Variants in DHRSX observed in about 807,000 individuals in gnomAD.
DHRSX encodes the protein dehydrogenase/reductase X-linked, also known as polyprenol dehydrogenase.
DHRSX carries 31 observed loss-of-function variants against 34.0 expected under a neutral mutation model. The ratio of observed to expected loss-of-function variants is 0.91; its 90% CI spans 0.69 to 1.23. The LOEUF is 1.23. Among genes scored for constraint, DHRSX ranks in the 50% most tolerant of loss-of-function variants. DHRSX has a pLI of 0.00. For synonymous variants in DHRSX, 201 were observed against 183.8 expected (o/e 1.09, Z -0.76); for missense variants, 414 against 428.1 (o/e 0.97, Z 0.29).
chrX:2,239,549 G>T (rs1238662072), intron 6 of DHRSX, among the ~76,000 whole-genome samples: 1 of 151,864 alleles, frequency 6.6e-6, no homozygotes, highest in East Asian at 1.9e-4. Flanking sequence ...GAGGTCAGGA[G>T]ATCAAGACCA....
intron 3 of DHRSX, among the ~76,000 whole-genome samples, chrX:2,310,710 T>C (rs1437447434): frequency 6.7e-6 from 1 of 150,160 alleles, no homozygotes; most frequent in Non-Finnish European, 1.5e-5. Flanking sequence ...GAGAGAAAGA[T>C]TGTGACACAG....
intron 1 of DHRSX, among the ~76,000 whole-genome samples, chrX:2,463,333 G>A (rs5939408): frequency 0.81 from 122,301 of 151,360 alleles, 50,386 homozygotes; most frequent in East Asian, 0.99. Context: ...CAACAACAAC[G>A]GTTGGATCAA....
intron 4 of DHRSX, among the ~76,000 whole-genome samples, chrX:2,283,408 A>T (rs2041756530): frequency 6.6e-6 from 1 of 152,140 alleles, no homozygotes; most frequent in Non-Finnish European, 1.5e-5. Flanking sequence ...GAAGGCACGC[A>T]GAATAAATGG....
In DHRSX at chrX:2,378,915, G is replaced by A. The variant is rs191280794; in HGVS notation, c.286+29830C>T. On this transcript the variant is annotated intron_variant, in intron 3 of 6. Coordinates refer to ENST00000334651, the MANE Select transcript of DHRSX (RefSeq NM_145177.3). ...ACGAACTCCCAACCTCAGGTGATTC[G>A]CCTGCCTCAACCTCCCAAAGTGTTA... Among the ~76,000 whole-genome samples, 951 of 152,128 alleles carry A rather than the reference G, an allele frequency of 6.3e-3. 10 individuals carry two copies. The highest frequency in any genetic ancestry group is 0.022 in the African/African-American group (922 of 41,498).
intron 3 of DHRSX, among the ~76,000 whole-genome samples, chrX:2,393,957 G>A (rs965316184): frequency 5.9e-5 from 9 of 152,198 alleles, no homozygotes; most frequent in African/African-American, 2.2e-4. Flanking sequence ...CAACACACAG[G>A]GACCATTCGG....
At chrX:2,332,335 T>C (rs777842821) in intron 3 of DHRSX, among the ~76,000 whole-genome samples, 13 of 152,238 alleles carry the variant, frequency 8.5e-5, no homozygotes, top group Non-Finnish European at 1.8e-4. Flanking sequence ...TGGAGAAATA[T>C]GCCAGGAAGG....
intron 3 of DHRSX, among the ~76,000 whole-genome samples, chrX:2,319,725 A>G (rs1468702038): frequency 1.3e-5 from 2 of 152,166 alleles, no homozygotes; most frequent in East Asian, 3.9e-4. Flanking sequence ...GGTCAAGAGT[A>G]CACTACCAGT....
chrX:2,369,873 C>T (rs2043036782), intron 3 of DHRSX, among the ~76,000 whole-genome samples: 1 of 152,066 alleles, frequency 6.6e-6, no homozygotes, highest in African/African-American at 2.4e-5. Flanking sequence ...AAACTCCTGA[C>T]ATCAAGTGAT....
chrX:2,387,493 A>G (rs1266139311), intron 3 of DHRSX, among the ~76,000 whole-genome samples: 1 of 152,156 alleles, frequency 6.6e-6, no homozygotes, highest in Non-Finnish European at 1.5e-5. Context: ...CAGGGCAGGA[A>G]GTATCCAGCA....
At chrX:2,414,396 A>C (rs781684343) in intron 2 of DHRSX, among the ~76,000 whole-genome samples, 2 of 152,048 alleles carry the variant, frequency 1.3e-5, no homozygotes, top group African/African-American at 4.8e-5. Context: ...TCACAACCTT[A>C]TCCAAGTAAA....
intron 3 of DHRSX, among the ~76,000 whole-genome samples, chrX:2,293,365 G>T (rs1322248989): frequency 1.3e-5 from 2 of 152,008 alleles, no homozygotes; most frequent in Non-Finnish European, 1.5e-5. Flanking sequence ...GTTCAAGGAG[G>T]TTGGGAGAAC....
chrX:2,423,045 T>C (rs1175783219), intron 2 of DHRSX, among the ~76,000 whole-genome samples: 3 of 149,260 alleles, frequency 2.0e-5, no homozygotes, highest in African/African-American at 7.4e-5. Flanking sequence ...TCAAGTGATC[T>C]GCCCACCTTG....
chrX:2,229,618 T>A (rs1000852927), intron 6 of DHRSX, among the ~76,000 whole-genome samples: 3 of 151,980 alleles, frequency 2.0e-5, no homozygotes, highest in South Asian at 2.1e-4. Context: ...GTGTGTGTAC[T>A]TGTGGGTAGA....
chrX:2,268,528 C>A (rs2041505459), intron 4 of DHRSX, among the ~76,000 whole-genome samples: 1 of 152,120 alleles, frequency 6.6e-6, no homozygotes, highest in Non-Finnish European at 1.5e-5. Context: ...AAGATATATG[C>A]CTATAGAGAT....
intron 3 of DHRSX, among the ~76,000 whole-genome samples, chrX:2,395,718 C>A (rs1392294614): frequency 1.3e-5 from 2 of 152,146 alleles, no homozygotes; most frequent in Non-Finnish European, 2.9e-5. Context: ...TGTTCAGGGT[C>A]ACCTTACCGG....
chrX:2,371,441 C>T (rs1002056618), intron 3 of DHRSX, among the ~76,000 whole-genome samples: 2 of 150,734 alleles, frequency 1.3e-5, no homozygotes, highest in Admixed American at 1.3e-4. Context: ...ACAGACCCTC[C>T]TTTCGTTACT....
chrX:2,304,257 A>G (rs1379238118), intron 3 of DHRSX, among the ~76,000 whole-genome samples: 5 of 105,244 alleles, frequency 4.8e-5, no homozygotes, highest in African/African-American at 1.6e-4. Context: ...GGATGGATGG[A>G]TGGGTGGGTG....
intron 3 of DHRSX, among the ~76,000 whole-genome samples, chrX:2,340,446 CTGTG>C (rs779075679): frequency 1.3e-5 from 2 of 150,574 alleles, no homozygotes; most frequent in Admixed American, 6.7e-5. Context: ...GTGCGTCTGT[CTGTG>C]TGTGTGTGTG....
intron 2 of DHRSX, 59 bp from the exon 3 acceptor site, chrX:2,408,872 A>G: frequency 1.5e-6 from 2 of 1,333,348 alleles, no homozygotes; most frequent in Non-Finnish European, 2.0e-6. Flanking sequence ...GAAACTATTA[A>G]CTGCAAAAAA....
Sources: gnomAD v4.1 joint callset for allele counts (sites outside exome capture counted in the v4.1 genomes callset) on GRCh38, gnomAD v4.1.1 for gene constraint, MANE v1.5 for transcripts, NCBI Gene and HGNC (gene_info 2026-07-23, HGNC 2026-07-21) for gene names.